Variants in C8B observed in about 807,000 individuals in gnomAD.
C8B encodes complement C8 beta chain.
C8B carries 67 observed loss-of-function variants against 64.6 expected under a neutral mutation model. The observed-to-expected ratio is 1.04, with a 90% CI of 0.85 to 1.27. The LOEUF is 1.27. C8B is among the 50% of genes most tolerant of loss of function. The pLI is 0.00. For synonymous variants in C8B, 284 were observed against 257.7 expected, an observed-to-expected ratio of 1.10 and a Z score of -0.98; for missense variants, 790 against 725.2, an observed-to-expected ratio of 1.09 and a Z score of -1.03.
Position 56,954,750 on chromosome 1 carries a change from T to C in C8B, c.469A>G (p.Arg157Gly), listed in dbSNP as rs1645077523. 1 of 1,614,182 alleles carries C rather than the reference T, an allele frequency of 6.2e-7. No homozygotes were observed. Among genetic ancestry groups the C allele is most frequent in the Non-Finnish European group, 8.5e-7 (1 of 1,180,010 alleles). Residue 157 changes from arginine (R) to glycine (G), a missense_variant, in exon 4 of 12, where the codon AGG becomes GGG. Arg to Gly is a moderately radical substitution (Grantham distance 125). Transcript: ENST00000371237. Reference sequence around the variant, plus strand: ...TCATGCTGACATTTTTTATAAATCCTTCTACAGTTTGCTTCATCTGACTGG... The same window carrying C: ...TCATGCTGACATTTTTTATAAATCCCTCTACAGTTTGCTTCATCTGACTGG... ...GDQSDEANCR[R>G]IYKKCQHEMD...
chr1:56,963,881 T>A lies in C8B; in HGVS notation c.92+1976A>T, dbSNP rs1370560240. 5 of 985,382 alleles carry A rather than the reference T, an allele frequency of 5.1e-6. No homozygotes were observed. The East Asian group carries it at 4.5e-4, about 89-fold the overall frequency. The allele number at this position is 985,382 out of a possible 1,614,324, so 61.0% of individuals were successfully genotyped here. A position where few individuals can be genotyped will look rare whatever the true frequency, so the allele number is the denominator to read the frequency against. ...ATTGTGATTTCATCATCTGACTTGA[T>A]TACAAGAGTAAGTAAGAACAAAAAA... On this transcript the variant is annotated intron_variant, in intron 1 of 11. Transcript: ENST00000371237.
At chr1:56,945,561 T>C (rs1570387632) in intron 7 of C8B, among the ~76,000 whole-genome samples, 1 of 151,796 alleles carries the variant, frequency 6.6e-6, no homozygotes, top group Non-Finnish European at 1.5e-5. Context: ...CAGGAAGAGA[T>C]CCAGGAATTA....
rs1645159851 is a variant in C8B at position 56,960,291 on chromosome 1, A to G, written c.93-115T>C. ...ATTTGCTCACTTGTGCAAGGCTATTAGTTTATCATTCCAGGATAACCTATC... is the reference window on the plus strand; with the variant it reads ...ATTTGCTCACTTGTGCAAGGCTATTGGTTTATCATTCCAGGATAACCTATC... On this transcript the variant is annotated intron_variant, in intron 1 of 11. Transcript: ENST00000371237. The G allele has an allele frequency of 6.5e-6, 6 of 929,430 alleles. No individual in the cohort carries two copies. The African/African-American group carries it at 8.2e-5, about 13-fold the overall frequency. The allele number at this position is 929,430 out of a possible 1,614,324, so 57.6% of individuals were successfully genotyped here.
Position 56,960,129 on chromosome 1 carries a change from A to G in C8B, c.140T>C (p.Phe47Ser). The change falls in exon 2 of 12, where the codon TTT becomes TCT. Residue 47 changes from phenylalanine to serine, a missense_variant. Transcript: ENST00000371237. The part of the protein sequence containing the change: ...SFGSNAVNKS[F>S]AKSRQMRSVD... ...ACTCCGCATCTGTCTGCTCTTAGCA[A>G]AGCTCTTGTTGACTGCATTTGACCC... is the stretch of plus-strand genomic sequence containing the variant. 1 of 1,614,166 alleles carries G rather than the reference A, an allele frequency of 6.2e-7. No homozygotes were observed. Among genetic ancestry groups the G allele is most frequent in the East Asian group, 2.2e-5 (1 of 44,878 alleles).
chr1:56,943,647 A>G (rs188658922), intron 8 of C8B, 49 bp downstream of exon 8: 2 of 1,609,936 alleles, frequency 1.2e-6, no homozygotes, highest in African/African-American at 2.7e-5. Context: ...CAGAGGCACT[A>G]GGAGGATAAA....
intron 4 of C8B, among the ~76,000 whole-genome samples, chr1:56,953,061 G>A (rs34272768): frequency 6.0e-4 from 91 of 152,126 alleles, no homozygotes; most frequent in Non-Finnish European, 7.3e-5. Context: ...GGGTAGCTAC[G>A]TGCATCATCT....
intron 4 of C8B, among the ~76,000 whole-genome samples, chr1:56,953,597 G>A (rs921401834): frequency 6.6e-6 from 1 of 152,172 alleles, no homozygotes; most frequent in Non-Finnish European, 1.5e-5. Flanking sequence ...CCCACCACAC[G>A]AGCTGCCCAG....
chr1:56,934,171 T>TC lies in C8B; in HGVS notation c.1399-684_1399-683insG, dbSNP rs1644743079. Among the ~76,000 whole-genome samples, 3 of 151,448 alleles carry TC rather than the reference T, an allele frequency of 2.0e-5. No homozygotes were observed. In the East Asian group the frequency reaches 5.8e-4, roughly 29 times the overall value. On this transcript the variant is annotated intron_variant, in intron 9 of 11. Transcript: ENST00000371237. ...TTTTTTATGTGCAGGGTCCTTTTTT[T>TC]TTTTCTTTTCTGATTAGATTGTAAG... is the stretch of plus-strand genomic sequence containing the variant.
chr1:56,940,133 A>T (rs181220711), intron 9 of C8B, among the ~76,000 whole-genome samples: 91 of 152,264 alleles, frequency 6.0e-4, no homozygotes, highest in African/African-American at 2.1e-3. Context: ...TTTAGCAACT[A>T]TTTGTTGGTT....
intron 7 of C8B, among the ~76,000 whole-genome samples, chr1:56,944,849 C>T (rs1278796280): frequency 1.3e-5 from 2 of 152,144 alleles, no homozygotes; most frequent in Non-Finnish European, 2.9e-5. Flanking sequence ...AGCCCTGGCT[C>T]CACCACTGCA....
intron 7 of C8B, among the ~76,000 whole-genome samples, chr1:56,944,827 G>T (rs1644917922): frequency 6.6e-6 from 1 of 152,182 alleles, no homozygotes; most frequent in South Asian, 2.1e-4. Flanking sequence ...CAAGTACATG[G>T]ACTGGTAATC....
chr1:56,946,116 C>A (rs1644938729), intron 6 of C8B, 55 bp from the exon 7 acceptor site: 2 of 1,605,256 alleles, frequency 1.2e-6, no homozygotes, highest in African/African-American at 1.3e-5. Context: ...GAATCTGGAA[C>A]GAGAAGATGA....
intron 1 of C8B, 95 bp from the exon 2 acceptor site, chr1:56,960,271 C>T (rs1645159639): frequency 1.7e-6 from 2 of 1,168,400 alleles, no homozygotes; most frequent in Non-Finnish European, 1.3e-6. Flanking sequence ...TATATATTTG[C>T]TCACTTGTGC....
intron 4 of C8B, among the ~76,000 whole-genome samples, chr1:56,952,794 T>C (rs1353048551): frequency 6.6e-6 from 1 of 152,162 alleles, no homozygotes; most frequent in Non-Finnish European, 1.5e-5. Flanking sequence ...TCTGCTCATA[T>C]GCAAATAGGG....
chr1:56,962,902 T>C (rs1330199342), intron 1 of C8B, among the ~76,000 whole-genome samples: 2 of 152,226 alleles, frequency 1.3e-5, no homozygotes, highest in African/African-American at 4.8e-5. Flanking sequence ...TTAATCAACA[T>C]TGCATTTCTG....
chr1:56,952,094 T>C lies in C8B; in HGVS notation c.620A>G (p.Asn207Ser), dbSNP rs576004874. The change falls in exon 5 of 12, where the codon AAC becomes AGC. Residue 207 changes from asparagine (N) to serine (S), a missense_variant. By Grantham distance (46) the Asn-to-Ser change is conservative. Transcript: ENST00000371237. ...ATTGTAGGGCTTCCTAAACCTCGTG[T>C]TCAGGATGTAATGCGGGGAGCATCC... ...AGGCSPHYIL[N>S]TRFRKPYNVE... is the part of the protein sequence containing the mutation. The C allele has an allele frequency of 6.2e-7, 1 of 1,614,154 alleles. No homozygotes were observed. The highest frequency in any genetic ancestry group is 1.1e-5 in the South Asian group (1 of 91,082).
intron 8 of C8B, among the ~76,000 whole-genome samples, chr1:56,942,560 C>A (rs1644879201): frequency 6.6e-6 from 1 of 151,936 alleles, no homozygotes; most frequent in Non-Finnish European, 1.5e-5. Context: ...CAAATATTAG[C>A]CAGGCGTGGT....
At chr1:56,959,916 T>G in intron 2 of C8B, 104 bp downstream of exon 2, 1 of 1,271,614 alleles carries the variant, frequency 7.9e-7, no homozygotes, top group Middle Eastern at 2.3e-4. Context: ...CGACATTTAT[T>G]GAGGGCCAAC....
chr1:56,961,090 T>A (rs551863295), intron 1 of C8B, among the ~76,000 whole-genome samples: 2 of 152,306 alleles, frequency 1.3e-5, no homozygotes, highest in South Asian at 4.1e-4. Context: ...TTTGGTTCAT[T>A]TCCTGGAGCA....
Sources: allele counts gnomAD v4.1 joint callset (sites outside exome capture counted in the v4.1 genomes callset), GRCh38; gene constraint gnomAD v4.1.1; transcripts MANE v1.5; gene names NCBI Gene and HGNC (gene_info 2026-07-23, HGNC 2026-07-21).